LARGE1: variants seen among roughly 807,000 people sequenced by gnomAD.
The protein encoded by LARGE1 is LARGE xylosyl- and glucuronyltransferase 1.
A neutral mutation model predicts 87.6 loss-of-function variants in LARGE1; 43 were observed. The observed-to-expected ratio is 0.49, with a 90% CI of 0.38 to 0.63. LARGE1 has a LOEUF of 0.63. Ranked by LOEUF, LARGE1 falls within the 30% of genes least tolerant of loss-of-function variation. LARGE1 has a pLI of 0.00. For synonymous variants in LARGE1, 434 were observed against 394.6 expected, an observed-to-expected ratio of 1.10 and a Z score of -1.18; for missense variants, 802 against 1,000.2, an observed-to-expected ratio of 0.80 and a Z score of 2.67.
chr22:33,442,834 C>T (rs575920170), intron 6 of LARGE1, among the ~76,000 whole-genome samples: 7 of 151,546 alleles, frequency 4.6e-5, no homozygotes, highest in South Asian at 4.2e-4. Flanking sequence ...GCTCTGCCGC[C>T]CAGGCTGGAG....
chr22:33,183,620 G>GCACGCACACACACACACA (rs1555880674), intron 11 of LARGE1, among the ~76,000 whole-genome samples: 1 of 137,832 alleles, frequency 7.3e-6, no homozygotes, highest in African/African-American at 2.9e-5. Context: ...ACACACACAC[G>GCACGCACACACACACACA]CACACACACA....
chr22:33,889,556 A>C (rs2064950613), intron 1 of LARGE1, among the ~76,000 whole-genome samples: 1 of 152,060 alleles, frequency 6.6e-6, no homozygotes, highest in Non-Finnish European at 1.5e-5. Context: ...TCAAATAGGG[A>C]CTCTGTTCAA....
chr22:33,273,318 C>A lies in LARGE1; in HGVS notation c.*1109G>T, dbSNP rs1030246365. 6 of 398,286 alleles carry A rather than the reference C, an allele frequency of 1.5e-5. No homozygotes were observed. The highest frequency in any genetic ancestry group is 8.2e-5 in the African/African-American group (4 of 48,616). The allele number at this position is 398,286 out of a possible 1,614,324, so 24.7% of individuals were successfully genotyped here. A position where few individuals can be genotyped will look rare whatever the true frequency, so the allele number is the denominator to read the frequency against. On this transcript the variant is annotated 3_prime_UTR_variant, in exon 15 of 15. Coordinates refer to ENST00000397394, the MANE Select transcript of LARGE1 (RefSeq NM_133642.5). ...TCCCAAAGGGAGACTGAGGTTGTCA[C>A]CTCTTCCCATCCACAGTGAAGCAGG... is the stretch of plus-strand genomic sequence containing the variant.
At chr22:33,290,777 G>A (rs1234379149) in intron 12 of LARGE1, among the ~76,000 whole-genome samples, 2 of 152,134 alleles carry the variant, frequency 1.3e-5, no homozygotes, top group Non-Finnish European at 2.9e-5. Flanking sequence ...GGTGGCTCAC[G>A]CCTGTAATCC....
intron 2 of LARGE1, among the ~76,000 whole-genome samples, chr22:33,651,675 C>G (rs1233670617): frequency 6.6e-6 from 1 of 152,166 alleles, no homozygotes; most frequent in East Asian, 1.9e-4. Flanking sequence ...CGGGTCTTAC[C>G]TGTCTTTGTG....
chr22:33,169,622 C>T (rs1474503729), intron 11 of LARGE1, among the ~76,000 whole-genome samples: 7 of 151,786 alleles, frequency 4.6e-5, no homozygotes, highest in African/African-American at 9.7e-5. Flanking sequence ...GAGGCTGAGG[C>T]GGGCGGATCA....
chr22:33,575,924 A>C (rs939263349), intron 5 of LARGE1, among the ~76,000 whole-genome samples: 29 of 152,222 alleles, frequency 1.9e-4, no homozygotes, highest in African/African-American at 6.8e-4. Context: ...GAGCATTTAC[A>C]GACTGCCTGA....
chr22:33,890,882 G>A (rs2064986612), intron 1 of LARGE1, among the ~76,000 whole-genome samples: 1 of 152,102 alleles, frequency 6.6e-6, no homozygotes, highest in East Asian at 1.9e-4. Context: ...AGAGACTCAA[G>A]TTTTCATGAC....
intron 11 of LARGE1, among the ~76,000 whole-genome samples, chr22:33,311,470 G>A (rs927516498): frequency 1.3e-5 from 2 of 152,180 alleles, no homozygotes; most frequent in African/African-American, 4.8e-5. Flanking sequence ...CAGCAGAGAG[G>A]TGAGAAACAT....
At chr22:33,695,027 C>G (rs902534309) in intron 2 of LARGE1, among the ~76,000 whole-genome samples, 1 of 152,094 alleles carries the variant, frequency 6.6e-6, no homozygotes, top group Non-Finnish European at 1.5e-5. Flanking sequence ...TTTGTATACT[C>G]TCTATTCAAT....
At chr22:33,697,447 A>C (rs1396235568) in intron 2 of LARGE1, among the ~76,000 whole-genome samples, 1 of 140,690 alleles carries the variant, frequency 7.1e-6, no homozygotes, top group African/African-American at 2.6e-5. Context: ...CTACAATCCC[A>C]GCACTTTGGG....
rs192854221 is a variant in LARGE1, at chr22:33,414,720, A to C, written c.892+17441T>G. 7.1e-3 allele frequency among the ~76,000 whole-genome samples: 1,068 copies of C among 151,098 alleles called. 7 individuals carry two copies. Among genetic ancestry groups the C allele is most frequent in the Non-Finnish European group, 0.011 (780 of 68,010 alleles). On this transcript the variant is annotated intron_variant, in intron 7 of 14. Transcript: ENST00000397394. ...TCCATATGTTGAAATCCTAATCTCC[A>C]AGAGGATGGTATTGGGGAGTTGGAG...
the LARGE1 span, among the ~76,000 whole-genome samples, chr22:33,128,680 C>CAAAAAAA: frequency 1.5e-4 from 17 of 110,160 alleles, no homozygotes; most frequent in East Asian, 5.3e-4. Flanking sequence ...GTCTCAAAAA[C>CAAAAAAA]AAAAAAAAAA....
In LARGE1 at chr22:33,900,243, C is replaced by G. The variant is rs188520535; in HGVS notation, c.-83+19752G>C. ...ACAAGGAGGAACACAGCAGTCCTGA[C>G]GTCTAAGAAGATGCAGCTCAGCTCC... On this transcript the variant is annotated intron_variant, in intron 1 of 14. Coordinates refer to ENST00000397394, the MANE Select transcript of LARGE1 (RefSeq NM_133642.5). Among the ~76,000 whole-genome samples the G allele has an allele frequency of 7.9e-5, 12 of 152,334 alleles. No individual in the cohort carries two copies. In the South Asian group the frequency reaches 2.3e-3, roughly 29 times the overall value.
intron 6 of LARGE1, among the ~76,000 whole-genome samples, chr22:33,470,431 AT>A (rs1437496311): frequency 6.6e-6 from 1 of 152,164 alleles, no homozygotes; most frequent in Non-Finnish European, 1.5e-5. Context: ...TTTATGATGT[AT>A]TTACTCTATT....
At chr22:33,584,289 C>T (rs1426850041) in intron 5 of LARGE1, among the ~76,000 whole-genome samples, 1 of 152,190 alleles carries the variant, frequency 6.6e-6, no homozygotes. Flanking sequence ...TTCACCTCCT[C>T]CTCAAAGCTT....
intron 1 of LARGE1, among the ~76,000 whole-genome samples, chr22:33,771,482 T>A (rs2145817748): frequency 6.6e-6 from 1 of 152,316 alleles, no homozygotes; most frequent in South Asian, 2.1e-4. Flanking sequence ...AACTCACTTC[T>A]CCAACCTCTG....
At chr22:33,860,168 T>G (rs2063872735) in intron 1 of LARGE1, among the ~76,000 whole-genome samples, 1 of 152,124 alleles carries the variant, frequency 6.6e-6, no homozygotes, top group African/African-American at 2.4e-5. Context: ...AAAAAAAATT[T>G]TTTTGTACAG....
At chr22:33,831,807 T>C (rs2062980267) in intron 1 of LARGE1, among the ~76,000 whole-genome samples, 1 of 149,326 alleles carries the variant, frequency 6.7e-6, no homozygotes, top group Admixed American at 6.6e-5. Context: ...GACTTGAGCC[T>C]CCAAAGAGGA....
Sources: gnomAD v4.1 joint callset for allele counts (sites outside exome capture counted in the v4.1 genomes callset) on GRCh38, gnomAD v4.1.1 for gene constraint, MANE v1.5 for transcripts, NCBI Gene and HGNC (gene_info 2026-07-23, HGNC 2026-07-21) for gene names.